Variants in ZNF521 observed in about 807,000 individuals in gnomAD.
The protein encoded by ZNF521 is zinc finger protein 521, also known as LYST-interacting protein 3.
In ZNF521, 14 loss-of-function variants were observed where a neutral mutation model predicts 105.5. The observed-to-expected ratio is 0.13, with a 90% CI of 0.09 to 0.21. The LOEUF (loss-of-function observed/expected upper bound fraction) is 0.21. Ranked by LOEUF, ZNF521 falls within the 10% of genes least tolerant of loss-of-function variation. The pLI is 1.00. For missense variants in ZNF521, 1,233 were observed against 1,629.7 expected, an observed-to-expected ratio of 0.76 and a Z score of 4.19; for synonymous variants, 635 against 606.0, an observed-to-expected ratio of 1.05 and a Z score of -0.70.
At chr18:25,236,110 A>C (rs1174618750) in intron 3 of ZNF521, among the ~76,000 whole-genome samples, 1 of 152,192 alleles carries the variant, frequency 6.6e-6, no homozygotes, top group African/African-American at 2.4e-5. Flanking sequence ...AGGGTGAAAA[A>C]GCCACTGAGA....
intron 5 of ZNF521, among the ~76,000 whole-genome samples, chr18:25,178,959 C>T (rs2035579624): frequency 6.6e-6 from 1 of 152,004 alleles, no homozygotes; most frequent in African/African-American, 2.4e-5. Context: ...TCTGCTCACG[C>T]CTCAGTTTCC....
At chr18:25,321,244 A>C (rs1380686022) in intron 3 of ZNF521, among the ~76,000 whole-genome samples, 1 of 152,218 alleles carries the variant, frequency 6.6e-6, no homozygotes, top group Admixed American at 6.5e-5. Flanking sequence ...AAAATGCCCT[A>C]CCCAGGCTCA....
intron 4 of ZNF521, among the ~76,000 whole-genome samples, chr18:25,209,643 A>C (rs539192900): frequency 6.6e-6 from 1 of 152,250 alleles, no homozygotes; most frequent in East Asian, 1.9e-4. Context: ...TTTGGTATTC[A>C]CTTACTAAAC....
chr18:25,303,271 C>CGTGTGTGTGTGT (rs756904913), intron 3 of ZNF521, among the ~76,000 whole-genome samples: 57 of 132,690 alleles, frequency 4.3e-4, no homozygotes, highest in Non-Finnish European at 5.0e-4. Flanking sequence ...TTCTTTCTTT[C>CGTGTGTGTGTGT]GTGTGTGTGT....
intron 5 of ZNF521, among the ~76,000 whole-genome samples, chr18:25,120,915 T>C (rs974711453): frequency 5.9e-5 from 9 of 152,106 alleles, no homozygotes; most frequent in African/African-American, 1.7e-4. Flanking sequence ...CAACACAGCA[T>C]AGACCTGCTG....
intron 3 of ZNF521, among the ~76,000 whole-genome samples, chr18:25,268,383 T>C (rs1041249141): frequency 2.6e-5 from 4 of 152,148 alleles, no homozygotes; most frequent in African/African-American, 9.7e-5. Context: ...CAGGAGAACT[T>C]ACCCAACCTA....
intron 3 of ZNF521, among the ~76,000 whole-genome samples, chr18:25,299,899 A>ACCT (rs1911536337): frequency 6.6e-6 from 1 of 152,198 alleles, no homozygotes; most frequent in Non-Finnish European, 1.5e-5. Context: ...CACAACGATA[A>ACCT]CTGCCATCCC....
chr18:25,350,865 T>C, intron 2 of ZNF521, 42 bp downstream of exon 2: 2 of 1,542,640 alleles, frequency 1.3e-6, no homozygotes, highest in Non-Finnish European at 1.8e-6. Flanking sequence ...ACAGTGACAC[T>C]CGCGGATGGG....
Position 25,274,884 on chromosome 18 carries a change from A to G in ZNF521, c.220+47124T>C, listed in dbSNP as rs77182417. Among the ~76,000 whole-genome samples the G allele has an allele frequency of 9.5e-3, 1,448 of 152,280 alleles. 27 individuals carry two copies. The highest frequency in any genetic ancestry group is 0.034 in the African/African-American group (1,393 of 41,538). On this transcript the variant is annotated intron_variant, in intron 3 of 7. Coordinates refer to ENST00000361524, the MANE Select transcript of ZNF521 (RefSeq NM_015461.3). ...ATTCCTTCCTCATTGTTGTATATTT[A>G]ACTTTATGACCATCAGGCATGGCAA...
rs751438303 is a variant in ZNF521 at position 25,092,099 on chromosome 18, T to C, written c.3659-18A>G. 256 of 1,613,146 alleles carry C rather than the reference T, an allele frequency of 1.6e-4. No homozygotes were observed. Among genetic ancestry groups the C allele is most frequent in the Non-Finnish European group, 2.0e-4 (232 of 1,179,542 alleles). On this transcript the variant is annotated intron_variant, in intron 5 of 7. Transcript: ENST00000361524. ...TCCTTCATCTGTCAAGGAAAACACA[T>C]GAAGAGAAATGATGAAAACCTGTCA...
intron 5 of ZNF521, among the ~76,000 whole-genome samples, chr18:25,127,466 G>A (rs2034559029): frequency 6.6e-6 from 1 of 151,788 alleles, no homozygotes; most frequent in Non-Finnish European, 1.5e-5. Flanking sequence ...AGGATGTTAG[G>A]TACTATTATT....
At chr18:25,072,547 A>C (rs2033252299) in intron 7 of ZNF521, among the ~76,000 whole-genome samples, 1 of 152,232 alleles carries the variant, frequency 6.6e-6, no homozygotes, top group Non-Finnish European at 1.5e-5. Context: ...AAAGGTGCCG[A>C]AAGGGAAGAA....
chr18:25,133,343 C>CTGGA (rs1299885666), intron 5 of ZNF521, among the ~76,000 whole-genome samples: 3 of 152,138 alleles, frequency 2.0e-5, no homozygotes, highest in Non-Finnish European at 2.9e-5. Context: ...GCTAAAGGAA[C>CTGGA]TGGAAGTGGA....
chr18:25,164,402 A>C (rs932594984), intron 5 of ZNF521, among the ~76,000 whole-genome samples: 1 of 152,146 alleles, frequency 6.6e-6, no homozygotes, highest in Admixed American at 6.5e-5. Flanking sequence ...TACATGAAAC[A>C]CTTCCTCCCA....
intron 2 of ZNF521, among the ~76,000 whole-genome samples, chr18:25,343,331 G>GA (rs1385994357): frequency 6.6e-6 from 1 of 151,974 alleles, no homozygotes; most frequent in South Asian, 2.1e-4. Context: ...ATTTTAATTG[G>GA]AAAAAAATCC....
intron 5 of ZNF521, among the ~76,000 whole-genome samples, chr18:25,161,564 T>C (rs2035252013): frequency 6.6e-6 from 1 of 152,192 alleles, no homozygotes; most frequent in Non-Finnish European, 1.5e-5. Flanking sequence ...AAATAATTAT[T>C]TGAAGACAGA....
chr18:25,093,792 CA>C (rs2033798101), intron 5 of ZNF521, among the ~76,000 whole-genome samples: 1 of 151,930 alleles, frequency 6.6e-6, no homozygotes, highest in Non-Finnish European at 1.5e-5. Flanking sequence ...AGGGGTTATA[CA>C]AAAAGCTTTA....
At chr18:25,221,293 T>C (rs1213817581) in intron 4 of ZNF521, among the ~76,000 whole-genome samples, 1 of 152,222 alleles carries the variant, frequency 6.6e-6, no homozygotes, top group Non-Finnish European at 1.5e-5. Context: ...GCATGCCTTG[T>C]CTTTCATCCA....
At chr18:25,346,788 C>CA (rs1466236537) in intron 2 of ZNF521, among the ~76,000 whole-genome samples, 1 of 152,160 alleles carries the variant, frequency 6.6e-6, no homozygotes, top group African/African-American at 2.4e-5. Context: ...CCCTGGTTCC[C>CA]ACCACTCCTC....
Sources: gnomAD v4.1 joint callset for allele counts (sites outside exome capture counted in the v4.1 genomes callset) on GRCh38, gnomAD v4.1.1 for gene constraint, MANE v1.5 for transcripts, NCBI Gene and HGNC (gene_info 2026-07-23, HGNC 2026-07-21) for gene names.